Variants in LPIN1 observed in about 807,000 individuals in gnomAD.
LPIN1 encodes the protein phosphatidate phosphatase LPIN1.
LPIN1 carries 71 observed loss-of-function variants against 107.5 expected under a neutral mutation model. The ratio of observed to expected loss-of-function variants is 0.66; its 90% CI spans 0.55 to 0.80. LPIN1 has a LOEUF of 0.80. Ranked by LOEUF, LPIN1 falls within the 30% of genes least tolerant of loss-of-function variation. The pLI, the probability that LPIN1 is intolerant of heterozygous loss-of-function variation, is 0.00. For synonymous variants in LPIN1, 445 were observed against 452.6 expected, an observed-to-expected ratio of 0.98 and a Z score of 0.21; for missense variants, 1,043 against 1,160.6, an observed-to-expected ratio of 0.90 and a Z score of 1.47.
intron 2 of LPIN1, among the ~76,000 whole-genome samples, chr2:11,718,357 A>G (rs1663891779): frequency 6.6e-6 from 1 of 152,080 alleles, no homozygotes; most frequent in Admixed American, 6.5e-5. Context: ...CCTCCCGAGT[A>G]GCTGGGATTA....
chr2:11,718,482 C>G (rs1010043806), intron 2 of LPIN1, among the ~76,000 whole-genome samples: 2 of 152,188 alleles, frequency 1.3e-5, no homozygotes. Flanking sequence ...CTGCCTGCCT[C>G]TGCCTCCCAA....
At chr2:11,785,635 G>A (rs2148662455) in intron 10 of LPIN1, among the ~76,000 whole-genome samples, 1 of 152,216 alleles carries the variant, frequency 6.6e-6, no homozygotes, top group South Asian at 2.1e-4. Context: ...AGACACAGTG[G>A]CCCTGCACCC....
intron 1 of LPIN1, chr2:11,677,786 C>T: frequency 7.1e-7 from 1 of 1,400,370 alleles, no homozygotes; most frequent in Non-Finnish European, 9.8e-7. Flanking sequence ...CTCCTTCCAT[C>T]CCCAGGTGCC....
exon 1 of LPIN1, chr2:11,677,649 T>G (rs1172290138): frequency 6.5e-7 from 1 of 1,534,922 alleles, no homozygotes; most frequent in Admixed American, 2.0e-5. Flanking sequence ...GGGCGGGCCA[T>G]GGGGGAACAG....
At chr2:11,822,542 A>G (rs1681725701) in intron 20 of LPIN1, among the ~76,000 whole-genome samples, 1 of 152,168 alleles carries the variant, frequency 6.6e-6, no homozygotes, top group African/African-American at 2.4e-5. Flanking sequence ...GGATGGCAGC[A>G]GGCAGAAAGA....
chr2:11,702,677 AGTAATGTTAGCAGGGCAGGCTGG>A (rs1292318967), intron 1 of LPIN1, among the ~76,000 whole-genome samples: 2 of 152,206 alleles, frequency 1.3e-5, no homozygotes, highest in East Asian at 3.8e-4. Context: ...CTATGCTAAC[AGTAATGTTAGCAGGGCAGGCTGG>A]GTCAACCTCC....
intron 1 of LPIN1, among the ~76,000 whole-genome samples, chr2:11,706,218 A>G (rs1663120917): frequency 1.3e-5 from 2 of 152,246 alleles, no homozygotes. Flanking sequence ...ATATGGTGAC[A>G]TAACCAGATT....
rs368632476 is a variant in LPIN1 at position 11,776,084 on chromosome 2, A to G, written c.723-2A>G. ...TAATGTGTATCACGTGGTGGTATCC[A>G]GTAGCCTGGTAGATTGCAAAAGGAC... On this transcript the variant is annotated splice_acceptor_variant, in intron 5 of 20. Transcript: ENST00000674199. LOFTEE classifies it high-confidence loss of function. The G allele has an allele frequency of 3.9e-6, 6 of 1,541,292 alleles. No individual in the cohort carries two copies. In the South Asian group the frequency reaches 7.2e-5, roughly 18 times the overall value.
At position 11,773,601 on chromosome 2, in the gene LPIN1, C is replaced by T. The variant is rs80086484; in HGVS notation, c.597-19C>T. 8.1e-7 allele frequency: 1 copy of T among 1,235,782 alleles called. No individual in the cohort carries two copies. 76.6% of individuals were successfully genotyped at this position (1,235,782 alleles called of 1,614,324 possible). A position where few individuals can be genotyped will look rare whatever the true frequency, so the allele number is the denominator to read the frequency against. On this transcript the variant is annotated intron_variant, in intron 4 of 20. Transcript: ENST00000674199. ...TCATTAAGAATTCTTTGACTTTAAT[C>T]TTTTTTTTTTTCCTCCAGAACTCTT...
chr2:11,761,600 T>C (rs923683963), intron 1 of LPIN1, among the ~76,000 whole-genome samples: 3 of 152,162 alleles, frequency 2.0e-5, no homozygotes, highest in Non-Finnish European at 4.4e-5. Context: ...TCATGACTTC[T>C]GGTTCTCTGG....
At chr2:11,724,437 C>T (rs891190993) in exon 1 of LPIN1, 39 of 985,646 alleles carry the variant, frequency 4.0e-5, no homozygotes, top group Middle Eastern at 5.2e-4. Flanking sequence ...AGGGCAAGAC[C>T]GGGGCCAGCC....
chr2:11,715,907 G>T (rs1241238306), intron 2 of LPIN1, among the ~76,000 whole-genome samples: 3 of 152,150 alleles, frequency 2.0e-5, no homozygotes, highest in Admixed American at 6.5e-5. Context: ...GGGGGCCGGG[G>T]CAGGTGGATT....
intron 1 of LPIN1, among the ~76,000 whole-genome samples, chr2:11,687,492 G>A (rs1317074538): frequency 1.3e-5 from 2 of 152,228 alleles, no homozygotes; most frequent in African/African-American, 4.8e-5. Flanking sequence ...GCAGGGACAG[G>A]GGGCTTTGTC....
At chr2:11,793,590 A>G (rs978571698) in intron 13 of LPIN1, among the ~76,000 whole-genome samples, 1 of 152,164 alleles carries the variant, frequency 6.6e-6, no homozygotes, top group Non-Finnish European at 1.5e-5. Context: ...ATTAGCTTCA[A>G]TGGCTGAAGG....
intron 13 of LPIN1, 70 bp from the exon 14 acceptor site, chr2:11,795,338 G>A: frequency 7.6e-7 from 1 of 1,322,056 alleles, no homozygotes; most frequent in Non-Finnish European, 1.1e-6. Context: ...AAGCCCATGG[G>A]AAAACACCGG....
At chr2:11,793,082 C>T (rs1676067189) in intron 13 of LPIN1, among the ~76,000 whole-genome samples, 2 of 152,214 alleles carry the variant, frequency 1.3e-5, no homozygotes, top group South Asian at 2.1e-4. Flanking sequence ...ACTAAGCAGA[C>T]ATCGTCCTGT....
intron 1 of LPIN1, among the ~76,000 whole-genome samples, chr2:11,759,161 C>A (rs1669190595): frequency 6.7e-6 from 1 of 149,350 alleles, no homozygotes; most frequent in African/African-American, 2.5e-5. Flanking sequence ...TTCTTTCTTT[C>A]TTTCTTTCTT....
chr2:11,691,507 T>C (rs1293650242), intron 1 of LPIN1, among the ~76,000 whole-genome samples: 2 of 152,214 alleles, frequency 1.3e-5, no homozygotes, highest in Non-Finnish European at 2.9e-5. Flanking sequence ...CCATTACCTC[T>C]TTCCAGGCCA....
intron 18 of LPIN1, chr2:11,817,951 A>AG (rs990033629): frequency 2.0e-5 from 3 of 152,276 alleles, no homozygotes; most frequent in African/African-American, 7.4e-5. Context: ...AAAAAAAAAA[A>AG]AAAAAAAAAG....
Sources: gnomAD v4.1 joint callset for allele counts (sites outside exome capture counted in the v4.1 genomes callset) on GRCh38, gnomAD v4.1.1 for gene constraint, MANE v1.5 for transcripts, NCBI Gene and HGNC (gene_info 2026-07-23, HGNC 2026-07-21) for gene names.